The following PDE10A variants were observed in gnomAD, a reference collection of about 807,000 sequenced individuals.
PDE10A encodes cAMP and cAMP-inhibited cGMP 3',5'-cyclic phosphodiesterase 10A.
In PDE10A, 39 loss-of-function variants were observed where a neutral mutation model predicts 97.7. That is an observed-to-expected ratio of 0.40 (90% confidence interval 0.31 to 0.52). PDE10A has a LOEUF of 0.52. Among genes scored for constraint, PDE10A ranks in the 20% least tolerant of loss-of-function variants. The probability of loss-of-function intolerance (pLI) is 0.56; values close to 1 mark genes in which losing one functional copy is unlikely to be tolerated. For synonymous variants in PDE10A, 371 were observed against 376.8 expected, an observed-to-expected ratio of 0.98 and a Z score of 0.18; for missense variants, 731 against 1,047.8, an observed-to-expected ratio of 0.70 and a Z score of 4.17.
At chr6:165,875,737 T>TTTTGTTG (rs750984085) in intron 1 of PDE10A, among the ~76,000 whole-genome samples, 7 of 137,962 alleles carry the variant, frequency 5.1e-5, no homozygotes, top group Non-Finnish European at 9.6e-5. Context: ...TACTGTTTTT[T>TTTTGTTG]TTTTTTTTTT....
At chr6:165,976,417 T>G (rs1784846380) in intron 1 of PDE10A, among the ~76,000 whole-genome samples, 1 of 152,132 alleles carries the variant, frequency 6.6e-6, no homozygotes, top group South Asian at 2.1e-4. Flanking sequence ...AATGTTCCAA[T>G]TCACTTCAAG....
At position 165,865,568 on chromosome 6, in the gene PDE10A, T is replaced by C. The variant is rs149643157; in HGVS notation, c.-615+121961A>G. On this transcript the variant is annotated intron_variant, in intron 1 of 19. Coordinates refer to the PDE10A transcript ENST00000366882. ...ACCAAATCATGATCTGAATTAGAAA[T>C]TCAACAAAGAGATAGACAGATAGCA... 3.9e-3 allele frequency among the ~76,000 whole-genome samples: 587 copies of C among 151,996 alleles called. 2 individuals are homozygous for C. Among genetic ancestry groups the C allele is most frequent in the Non-Finnish European group, 7.0e-3 (476 of 67,942 alleles).
chr6:165,743,132 T>C (rs1240218609), intron 1 of PDE10A, among the ~76,000 whole-genome samples: 1 of 152,236 alleles, frequency 6.6e-6, no homozygotes, highest in Admixed American at 6.5e-5. Flanking sequence ...ATTGATCATG[T>C]ACCTACTACG....
rs149335053 is a variant in PDE10A, at chr6:165,565,073, G to T, written c.866-21505C>A. Among the ~76,000 whole-genome samples the T allele has an allele frequency of 2.6e-3, 389 of 152,284 alleles. 1 individual carries two copies. The highest frequency in any genetic ancestry group is 9.0e-3 in the African/African-American group (376 of 41,562). On this transcript the variant is annotated intron_variant, in intron 1 of 21. Transcript: ENST00000539869. ...ATGGGAAAGATATTCCATTCATAAAGTAGCCAAAAGAGAGCTACAAGTCTT... is the reference window on the plus strand; with the variant it reads ...ATGGGAAAGATATTCCATTCATAAATTAGCCAAAAGAGAGCTACAAGTCTT...
rs1332614718 is a variant in PDE10A, at chr6:165,671,281, C to A, written c.-614-127713G>T. 6.6e-6 allele frequency among the ~76,000 whole-genome samples: 1 copy of A among 152,038 alleles called. No individual in the cohort carries two copies. Among genetic ancestry groups the A allele is most frequent in the Non-Finnish European group, 1.5e-5 (1 of 68,006 alleles). ...ACTACCTTGATTAAGCTTTTCTAAC[C>A]CTCTCCCTGAAACAGGTAAACTTGG... On this transcript the variant is annotated intron_variant, in intron 1 of 19. Coordinates refer to the PDE10A transcript ENST00000366882. The surrounding 1 kb of genome is among the most constrained non-coding windows in gnomAD (Gnocchi z 4.6).
At chr6:165,451,562 G>A (rs1791293429) in intron 3 of PDE10A, among the ~76,000 whole-genome samples, 2 of 152,160 alleles carry the variant, frequency 1.3e-5, no homozygotes, top group Admixed American at 6.5e-5. Flanking sequence ...ACCCCACTCT[G>A]TCTACCCTCA....
In PDE10A at chr6:165,795,614, G is replaced by A. The variant is rs149122056; in HGVS notation, c.-615+191915C>T. ...CAAACAAACAAAAAAACCAGCAGAC[G>A]CGGTGGTAGGTGCTGTAATTCCAGC... On this transcript the variant is annotated intron_variant, in intron 1 of 19. Coordinates refer to the PDE10A transcript ENST00000366882. Among the ~76,000 whole-genome samples the A allele has an allele frequency of 4.0e-4, 61 of 151,932 alleles. 1 individual carries two copies. In the East Asian group the frequency reaches 6.6e-3, roughly 16 times the overall value.
chr6:165,813,188 A>G (rs1779324549), intron 1 of PDE10A, among the ~76,000 whole-genome samples: 1 of 152,208 alleles, frequency 6.6e-6, no homozygotes, highest in African/African-American at 2.4e-5. Flanking sequence ...CTTGGTCTAG[A>G]TGAGCCTTTA....
chr6:165,459,526 C>T (rs4054839), intron 3 of PDE10A, among the ~76,000 whole-genome samples: 3,356 of 38,360 alleles, frequency 0.087, 47 homozygotes, highest in Middle Eastern at 0.22. Context: ...GATAGATAGA[C>T]AGACAGACAG....
At chr6:165,851,312 A>G (rs1311486416) in intron 1 of PDE10A, among the ~76,000 whole-genome samples, 1 of 152,262 alleles carries the variant, frequency 6.6e-6, no homozygotes, top group African/African-American at 2.4e-5. Flanking sequence ...ACTCGATTCC[A>G]TCAGTTACCA....
chr6:165,868,439 C>T (rs569470874), intron 1 of PDE10A, among the ~76,000 whole-genome samples: 4 of 152,124 alleles, frequency 2.6e-5, no homozygotes, highest in African/African-American at 9.6e-5. Context: ...TAGACACATA[C>T]AACCTATGAA....
At chr6:165,505,109 C>T (rs17726225) in intron 2 of PDE10A, among the ~76,000 whole-genome samples, 7,360 of 152,246 alleles carry the variant, frequency 0.048, 275 homozygotes, top group South Asian at 0.09. Flanking sequence ...GAGATGATCC[C>T]TCGAGTCCTT....
At chr6:165,344,666 T>C (rs531034510) in intron 18 of PDE10A, among the ~76,000 whole-genome samples, 1 of 152,308 alleles carries the variant, frequency 6.6e-6, no homozygotes, top group African/African-American at 2.4e-5. Context: ...GCTAAGATGT[T>C]TGGATACCTG....
At chr6:165,408,584 T>C (rs1781411590) in intron 13 of PDE10A, among the ~76,000 whole-genome samples, 3 of 152,158 alleles carry the variant, frequency 2.0e-5, no homozygotes, top group Non-Finnish European at 4.4e-5. Context: ...GAAACCAGCA[T>C]ACATTTGGAG....
At chr6:165,518,092 CA>C (rs1381227991) in intron 2 of PDE10A, among the ~76,000 whole-genome samples, 2 of 152,042 alleles carry the variant, frequency 1.3e-5, no homozygotes, top group East Asian at 3.9e-4. Context: ...AAAGCCTGAA[CA>C]AAATATTTTG....
At chr6:165,463,792 A>C (rs1778470640) in intron 3 of PDE10A, among the ~76,000 whole-genome samples, 1 of 152,234 alleles carries the variant, frequency 6.6e-6, no homozygotes, top group African/African-American at 2.4e-5. Flanking sequence ...TTGTGGGTTT[A>C]CCGGAATGAG....
At chr6:165,481,979 C>G (rs1397226537) in intron 3 of PDE10A, among the ~76,000 whole-genome samples, 1 of 152,164 alleles carries the variant, frequency 6.6e-6, no homozygotes, top group East Asian at 1.9e-4. Context: ...GACTGCTGCC[C>G]TGTGAGAGTT....
intron 2 of PDE10A, among the ~76,000 whole-genome samples, chr6:165,506,393 C>T (rs992743697): frequency 6.6e-6 from 1 of 152,056 alleles, no homozygotes; most frequent in Non-Finnish European, 1.5e-5. Context: ...ATATTCTCCC[C>T]ACTTTAAAAA....
intron 17 of PDE10A, among the ~76,000 whole-genome samples, chr6:165,380,722 CA>C (rs1784878403): frequency 6.6e-6 from 1 of 152,154 alleles, no homozygotes; most frequent in South Asian, 2.1e-4. Flanking sequence ...CTGATGGGGA[CA>C]ACGGGAGGGG....
Sources: allele counts gnomAD v4.1 joint callset (sites outside exome capture counted in the v4.1 genomes callset), GRCh38; gene constraint gnomAD v4.1.1; non-coding constraint Gnocchi (gnomAD v3.1); transcripts MANE v1.5; gene names NCBI Gene and HGNC (gene_info 2026-07-23, HGNC 2026-07-21).